ANO1: variants seen among roughly 807,000 people sequenced by gnomAD.
ANO1 encodes the protein anoctamin 1, also known as anoctamin-1.
In ANO1, 59 loss-of-function variants were observed where a neutral mutation model predicts 124.0. The ratio of observed to expected loss-of-function variants is 0.48; its 90% CI spans 0.39 to 0.59. The LOEUF (loss-of-function observed/expected upper bound fraction) is 0.59. Ranked by LOEUF, ANO1 falls within the 20% of genes least tolerant of loss-of-function variation. The pLI is 0.00. For synonymous variants in ANO1, 529 were observed against 532.0 expected (o/e 0.99, Z 0.08); for missense variants, 1,059 against 1,328.0 (o/e 0.80, Z 3.15).
chr11:70,071,403 A>C (rs1178731114), intron 1 of ANO1, among the ~76,000 whole-genome samples: 4 of 152,210 alleles, frequency 2.6e-5, no homozygotes, highest in African/African-American at 9.6e-5. Context: ...GGAAATGACA[A>C]AGCAGAAAAT....
At chr11:70,161,092 G>C in intron 16 of ANO1, 69 bp from the exon 17 acceptor site, 1 of 1,391,754 alleles carries the variant, frequency 7.2e-7, no homozygotes, top group Non-Finnish European at 9.8e-7. Flanking sequence ...GACTGAGGGA[G>C]CAGATGGGGC....
chr11:70,106,182 G>C (rs1157154067), intron 5 of ANO1, among the ~76,000 whole-genome samples: 1 of 152,118 alleles, frequency 6.6e-6, no homozygotes, highest in African/African-American at 2.4e-5. Flanking sequence ...AGGAGGGAGG[G>C]TTGGTGGAGG....
intron 1 of ANO1, among the ~76,000 whole-genome samples, chr11:70,023,363 T>A (rs548960315): frequency 9.2e-5 from 14 of 152,312 alleles, no homozygotes; most frequent in Admixed American, 9.1e-4. Flanking sequence ...AGCTCGCCAT[T>A]TGGGAGATCC....
Position 70,087,761 on chromosome 11 carries a change from T to G in ANO1, c.118T>G (p.Ser40Ala). The change falls in exon 2 of 26, where the codon TCC becomes GCC. Residue 40 changes from serine to alanine, a missense_variant. By Grantham distance (99) the Ser-to-Ala change is moderately conservative (BLOSUM62 1). Transcript: ENST00000355303. ...YLPSEGTLLN[S>A]LSVDPDAECK... is the part of the protein sequence containing the mutation. ...TTTCTTCCACCCTTAGCTGCTGAAC[T>G]CCTTATCTGTGGACCCTGATGCCGA... 1 of 1,598,672 alleles carries G rather than the reference T, an allele frequency of 6.3e-7. No homozygotes were observed. Among genetic ancestry groups the G allele is most frequent in the Non-Finnish European group, 8.5e-7 (1 of 1,171,044 alleles).
At chr11:70,100,750 A>G (rs1486758872) in intron 2 of ANO1, among the ~76,000 whole-genome samples, 4 of 152,226 alleles carry the variant, frequency 2.6e-5, no homozygotes, top group African/African-American at 7.2e-5. Flanking sequence ...TGAGGATAAA[A>G]TGAGTTGATA....
intron 1 of ANO1, among the ~76,000 whole-genome samples, chr11:70,019,787 G>C (rs1380123147): frequency 6.6e-6 from 1 of 152,200 alleles, no homozygotes; most frequent in Non-Finnish European, 1.5e-5. Flanking sequence ...GTCTCATAAT[G>C]AAAGCTTTCC....
At chr11:69,996,343 A>G (rs528124789) in intron 1 of ANO1, among the ~76,000 whole-genome samples, 2 of 152,322 alleles carry the variant, frequency 1.3e-5, no homozygotes, top group African/African-American at 4.8e-5. Context: ...GAAGAAAAAC[A>G]ATTTAAAATG....
At chr11:70,019,315 C>A (rs1276379192) in intron 1 of ANO1, among the ~76,000 whole-genome samples, 5 of 145,780 alleles carry the variant, frequency 3.4e-5, no homozygotes, top group Non-Finnish European at 7.5e-5. Context: ...ATGCCATGCA[C>A]ATGCACACAC....
chr11:70,113,572 G>A (rs1230887468), intron 7 of ANO1, among the ~76,000 whole-genome samples: 1 of 151,966 alleles, frequency 6.6e-6, no homozygotes, highest in Admixed American at 6.6e-5. Context: ...AGACAGCCCT[G>A]CCTGGCACAG....
chr11:70,124,696 G>A (rs2046422592), intron 9 of ANO1, among the ~76,000 whole-genome samples: 2 of 152,172 alleles, frequency 1.3e-5, no homozygotes, highest in Admixed American at 6.5e-5. Flanking sequence ...GCGGCGGGAG[G>A]GTTTTCCGGA....
intron 1 of ANO1, among the ~76,000 whole-genome samples, chr11:70,062,469 C>A (rs189698842): frequency 1.3e-5 from 2 of 152,164 alleles, no homozygotes; most frequent in Admixed American, 6.5e-5. Context: ...GGATCCTGCA[C>A]CCCCCAGTAG....
intron 1 of ANO1, among the ~76,000 whole-genome samples, chr11:70,034,203 G>A (rs1051075414): frequency 6.6e-6 from 1 of 152,098 alleles, no homozygotes; most frequent in African/African-American, 2.4e-5. Flanking sequence ...AAAGTCAGCC[G>A]ATACCTAGCC....
chr11:70,143,160 G>A (rs1480059634), intron 11 of ANO1, among the ~76,000 whole-genome samples: 1 of 152,204 alleles, frequency 6.6e-6, no homozygotes, highest in Non-Finnish European at 1.5e-5. Context: ...GAGGGCAGAG[G>A]CTTGGAAGAC....
chr11:70,168,421 A>C (rs1590908302), intron 21 of ANO1, among the ~76,000 whole-genome samples: 12 of 141,026 alleles, frequency 8.5e-5, no homozygotes, highest in South Asian at 4.5e-4. Flanking sequence ...CACGACCCCC[A>C]CCCCTCCTCT....
chr11:70,098,960 G>A (rs893554330), intron 2 of ANO1, among the ~76,000 whole-genome samples: 3 of 152,218 alleles, frequency 2.0e-5, no homozygotes, highest in Non-Finnish European at 4.4e-5. Flanking sequence ...GGTTCAGAGG[G>A]AGGTTTCCGC....
rs1017735826 is a variant in ANO1 at position 70,189,268 on chromosome 11, A to G, written c.*1264A>G. 9 of 152,660 alleles carry G rather than the reference A, an allele frequency of 5.9e-5. No homozygotes were observed. The highest frequency in any genetic ancestry group is 5.2e-4 in the Admixed American group (8 of 15,280). 9.5% of individuals were successfully genotyped at this position (152,660 alleles called of 1,614,324 possible). On this transcript the variant is annotated 3_prime_UTR_variant, in exon 26 of 26. Transcript: ENST00000355303. ...GAAGATCTCATTGATGTGATGTTAC[A>G]TTCCCTTTAATCTGCCAACTGTGGT...
chr11:70,165,551 C>G lies in ANO1; in HGVS notation c.2032C>G (p.Leu678Val), dbSNP rs372929468. 83 of 1,611,636 alleles carry G rather than the reference C, an allele frequency of 5.2e-5. No individual in the cohort carries two copies. The highest frequency in any genetic ancestry group is 1.6e-4 in the Middle Eastern group (1 of 6,076). ...MLGKQLIQNNLFEIGIPKMKK... is the reference protein window; with the variant it reads ...MLGKQLIQNNVFEIGIPKMKK... ...GGGGAAACAGCTGATCCAGAACAAC[C>G]TGTTCGAGATCGGCATCCCGTGAGT... is the stretch of plus-strand genomic sequence containing the variant. Residue 678 changes from leucine (L) to valine (V), a missense_variant, in exon 20 of 26, where the codon CTG becomes GTG. Leu to Val is a conservative substitution (Grantham distance 32). Transcript: ENST00000355303.
At chr11:69,976,020 TC>T in the ANO1 span, among the ~76,000 whole-genome samples, 1 of 152,176 alleles carries the variant, frequency 6.6e-6, no homozygotes. Context: ...TGCCCGCCTG[TC>T]CCCACCATGC....
At chr11:70,107,792 C>T (rs557190104) in intron 5 of ANO1, among the ~76,000 whole-genome samples, 73 of 152,074 alleles carry the variant, frequency 4.8e-4, no homozygotes, top group South Asian at 1.7e-3. Flanking sequence ...GGCAGGCAGC[C>T]GGGGGGGAAT....
Sources: gnomAD v4.1 joint callset for allele counts (sites outside exome capture counted in the v4.1 genomes callset) on GRCh38, gnomAD v4.1.1 for gene constraint, MANE v1.5 for transcripts, NCBI Gene and HGNC (gene_info 2026-07-23, HGNC 2026-07-21) for gene names.